The following UBE2J1 variants were observed in gnomAD, a reference collection of about 807,000 sequenced individuals.
UBE2J1 encodes the protein ubiquitin-conjugating enzyme E2 J1.
A neutral mutation model predicts 42.1 loss-of-function variants in UBE2J1; 17 were observed. The ratio of observed to expected loss-of-function variants is 0.40; its 90% CI spans 0.28 to 0.61. The LOEUF (loss-of-function observed/expected upper bound fraction) is 0.61. Among genes scored for constraint, UBE2J1 ranks in the 20% least tolerant of loss-of-function variants. UBE2J1 has a pLI of 0.38. For missense variants in UBE2J1, 291 were observed against 389.4 expected (o/e 0.75, Z 2.13); for synonymous variants, 127 against 137.2 (o/e 0.93, Z 0.52).
intron 5 of UBE2J1, among the ~76,000 whole-genome samples, 186 bp downstream of exon 5, chr6:89,338,015 ATTAC>A (rs1768142336): frequency 6.6e-6 from 1 of 152,242 alleles, no homozygotes; most frequent in Non-Finnish European, 1.5e-5. Context: ...CATTAAATAA[ATTAC>A]TTAGATTCTG....
intron 3 of UBE2J1, among the ~76,000 whole-genome samples, chr6:89,338,879 A>C (rs759741744): frequency 2.6e-5 from 4 of 151,840 alleles, no homozygotes; most frequent in East Asian, 3.9e-4. Context: ...GTTAGCCAGG[A>C]TGGTCTCGAT....
Position 89,328,790 on chromosome 6 carries a change from G to A in UBE2J1, c.*889C>T, listed in dbSNP as rs1412179928. ...AGGACATGAAATATTTCAATATTATGCATATTCCTGGAATAATTAAAATTT... is the reference window on the plus strand; with the variant it reads ...AGGACATGAAATATTTCAATATTATACATATTCCTGGAATAATTAAAATTT... On this transcript the variant is annotated 3_prime_UTR_variant, in exon 8 of 8. Transcript: ENST00000435041. 2 of 152,076 alleles carry A rather than the reference G, an allele frequency of 1.3e-5. No individual in the cohort carries two copies. The highest frequency in any genetic ancestry group is 2.9e-5 in the Non-Finnish European group (2 of 67,998). 9.4% of individuals were successfully genotyped at this position (152,076 alleles called of 1,614,324 possible). A position where few individuals can be genotyped will look rare whatever the true frequency, so the allele number is the denominator to read the frequency against.
At chr6:89,350,424 A>G (rs1244418691) in intron 1 of UBE2J1, among the ~76,000 whole-genome samples, 2 of 152,320 alleles carry the variant, frequency 1.3e-5, no homozygotes, top group South Asian at 2.1e-4. Context: ...TCACACAGGC[A>G]TTACTCTAAA....
intron 1 of UBE2J1, among the ~76,000 whole-genome samples, chr6:89,348,120 T>A (rs571358778): frequency 2.6e-5 from 4 of 152,348 alleles, no homozygotes; most frequent in South Asian, 4.1e-4. Context: ...CTCTTGCTTC[T>A]ACATGGCTAG....
chr6:89,338,603 T>C, intron 3 of UBE2J1, 60 bp from the exon 4 acceptor site: 1 of 761,698 alleles, frequency 1.3e-6, no homozygotes, highest in Non-Finnish European at 1.9e-6. Context: ...TTATACTTTC[T>C]GTAAAAATAT....
intron 3 of UBE2J1, among the ~76,000 whole-genome samples, chr6:89,338,813 C>G (rs952205318): frequency 1.3e-5 from 2 of 151,518 alleles, no homozygotes; most frequent in African/African-American, 4.9e-5. Flanking sequence ...CTACAGGCGC[C>G]TGCCACCAGG....
chr6:89,334,224 C>T (rs1219028490), intron 6 of UBE2J1, among the ~76,000 whole-genome samples: 1 of 151,964 alleles, frequency 6.6e-6, no homozygotes, highest in Non-Finnish European at 1.5e-5. Context: ...TGGATGGTCT[C>T]AATCTCCTGA....
chr6:89,347,373 C>G (rs1474145719), intron 1 of UBE2J1, among the ~76,000 whole-genome samples: 1 of 152,202 alleles, frequency 6.6e-6, no homozygotes, highest in Admixed American at 6.5e-5. Flanking sequence ...TGGCTGAACT[C>G]AATAATGATT....
At chr6:89,338,580 A>G in intron 3 of UBE2J1, 37 bp from the exon 4 acceptor site, 4 of 1,159,112 alleles carry the variant, frequency 3.5e-6, no homozygotes, top group South Asian at 1.7e-5. Flanking sequence ...AATTAAATAC[A>G]TGTGCTTAAT....
intron 5 of UBE2J1, among the ~76,000 whole-genome samples, chr6:89,336,467 TA>T (rs1768107512): frequency 4.2e-5 from 1 of 23,818 alleles, no homozygotes; most frequent in South Asian, 5.3e-3. Context: ...ATTTTTATTT[TA>T]TTTTATTTTT....
At chr6:89,337,544 T>C (rs932117538) in intron 5 of UBE2J1, among the ~76,000 whole-genome samples, 2 of 152,086 alleles carry the variant, frequency 1.3e-5, no homozygotes, top group African/African-American at 2.4e-5. Flanking sequence ...ATAATATGTC[T>C]GAAGGGTGGT....
intron 5 of UBE2J1, among the ~76,000 whole-genome samples, chr6:89,335,966 A>G (rs923351032): frequency 6.6e-6 from 1 of 152,210 alleles, no homozygotes. Context: ...TACATTAGGT[A>G]GAGACTCAGG....
In UBE2J1 at chr6:89,333,196, T is replaced by C. The variant is rs376561662; in HGVS notation, c.568A>G (p.Asn190Asp). 6.2e-7 allele frequency: 1 copy of C among 1,609,902 alleles called. No individual in the cohort carries two copies. The highest frequency in any genetic ancestry group is 1.1e-5 in the South Asian group (1 of 90,100). The change falls in exon 7 of 8, where the codon AAT (asparagine) becomes GAT (aspartate). Residue 190 changes from asparagine to aspartate, a missense_variant. This residue lies in a region of UBE2J1 where 176 missense variants were observed against 196.3 expected (regional missense o/e 0.90). Transcript: ENST00000435041. Reference protein sequence around the residue: ...ARQISFKAEVNSSGKTISESD... With the variant: ...ARQISFKAEVDSSGKTISESD... ...TCAGAGATAGTCTTTCCAGATGAAT[T>C]GACTTCTGCCTATAAACAAGATAGA... is the stretch of plus-strand genomic sequence containing the variant.
intron 6 of UBE2J1, among the ~76,000 whole-genome samples, chr6:89,334,973 A>G (rs1768081535): frequency 6.6e-6 from 1 of 152,202 alleles, no homozygotes; most frequent in Non-Finnish European, 1.5e-5. Flanking sequence ...CATACTACTA[A>G]TAAGCAACAG....
intron 5 of UBE2J1, 114 bp from the exon 6 acceptor site, chr6:89,335,545 T>C: frequency 1.5e-6 from 1 of 683,970 alleles, no homozygotes; most frequent in Non-Finnish European, 2.2e-6. Flanking sequence ...ACTGGAAAAT[T>C]CCACATCACA....
At chr6:89,349,775 T>TG (rs1768432943) in intron 1 of UBE2J1, among the ~76,000 whole-genome samples, 1 of 152,064 alleles carries the variant, frequency 6.6e-6, no homozygotes, top group Admixed American at 6.5e-5. Context: ...CATGGATAGG[T>TG]AACTCTTAGA....
chr6:89,345,786 A>C (rs1231319803), intron 1 of UBE2J1, among the ~76,000 whole-genome samples: 3 of 151,312 alleles, frequency 2.0e-5, no homozygotes. Context: ...ACATGCCTAT[A>C]ATCCCAGCTA....
intron 1 of UBE2J1, 136 bp downstream of exon 1, chr6:89,352,403 G>A (rs1768503073): frequency 1.0e-6 from 1 of 991,620 alleles, no homozygotes; most frequent in African/African-American, 1.7e-5. Context: ...TCCCGGGCAG[G>A]CGGCGGTCTC....
Position 89,344,300 on chromosome 6 carries a change from C to A in UBE2J1, c.32-544G>T, listed in dbSNP as rs545616823. Among the ~76,000 whole-genome samples the A allele has an allele frequency of 6.6e-5, 10 of 152,302 alleles. No individual in the cohort carries two copies. In the East Asian group the frequency reaches 1.7e-3, roughly 26 times the overall value. On this transcript the variant is annotated intron_variant, in intron 1 of 7. Transcript: ENST00000435041. ...CCTCTATATCCTCCAACTCTTGGGA[C>A]TTTCCATCCACTATCTTGCATTAAA...
Sources: gnomAD v4.1 joint callset for allele counts (sites outside exome capture counted in the v4.1 genomes callset) on GRCh38, gnomAD v4.1.1 for gene constraint, gnomAD v4.1.1 regional missense constraint, MANE v1.5 for transcripts, NCBI Gene and HGNC (gene_info 2026-07-23, HGNC 2026-07-21) for gene names.